The following CERS4 variants were observed in gnomAD, a reference collection of about 807,000 sequenced individuals.
The protein encoded by CERS4 is LAG1 homolog, ceramide synthase 4.
Under a neutral mutation model 51.8 loss-of-function variants are expected in CERS4, and 65 were observed. The observed-to-expected ratio is 1.26, with a 90% confidence interval of 1.03 to 1.54. CERS4 has a LOEUF of 1.54. Ranked by LOEUF, CERS4 falls within the 40% of genes most tolerant of loss-of-function variation. CERS4 has a pLI of 0.00. For missense variants in CERS4, 563 were observed against 500.4 expected, an observed-to-expected ratio of 1.13 and a Z score of -1.19; for synonymous variants, 228 against 208.4, an observed-to-expected ratio of 1.09 and a Z score of -0.81.
intron 2 of CERS4, among the ~76,000 whole-genome samples, chr19:8,236,695 AAAAAAAG>A (rs1366158860): frequency 0.56 from 67,387 of 120,030 alleles, 19,490 homozygotes; most frequent in Non-Finnish European, 0.64. Flanking sequence ...AAAAAAAAAA[AAAAAAAG>A]AAAGAAAGAA....
chr19:8,254,750 C>T (rs1352458744), intron 4 of CERS4, 134 bp downstream of exon 4: 1 of 723,894 alleles, frequency 1.4e-6, no homozygotes, highest in Non-Finnish European at 2.3e-6. Context: ...CTACTTTCCA[C>T]TCTTCATCCT....
At chr19:8,236,158 G>A (rs546930799) in intron 2 of CERS4, among the ~76,000 whole-genome samples, 2 of 152,250 alleles carry the variant, frequency 1.3e-5, no homozygotes, top group South Asian at 2.1e-4. Flanking sequence ...TCGCGCCACT[G>A]CACTCCGGCC....
chr19:8,244,989 A>G (rs1435143250), intron 2 of CERS4, among the ~76,000 whole-genome samples: 12 of 151,840 alleles, frequency 7.9e-5, no homozygotes, highest in Non-Finnish European at 1.5e-4. Flanking sequence ...CTAAAAATAC[A>G]AAAAATTAGC....
chr19:8,235,255 C>A (rs537851273), intron 2 of CERS4, among the ~76,000 whole-genome samples: 5 of 151,532 alleles, frequency 3.3e-5, no homozygotes, highest in Non-Finnish European at 5.9e-5. Context: ...GATCTGCCCC[C>A]CTCAGCCTCC....
At chr19:8,247,382 T>C (rs1968833973) in intron 2 of CERS4, among the ~76,000 whole-genome samples, 1 of 151,500 alleles carries the variant, frequency 6.6e-6, no homozygotes, top group African/African-American at 2.4e-5. Context: ...AGAAAGCCCC[T>C]CCCCCAGCCC....
chr19:8,256,090 C>G (rs1288032920), intron 6 of CERS4, 146 bp from the exon 7 acceptor site: 2 of 987,406 alleles, frequency 2.0e-6, no homozygotes, highest in East Asian at 2.6e-5. Context: ...AATGAGCCCC[C>G]CAGTCGAGAG....
intron 2 of CERS4, among the ~76,000 whole-genome samples, chr19:8,250,226 C>T (rs1419348221): frequency 6.6e-6 from 1 of 152,170 alleles, no homozygotes; most frequent in African/African-American, 2.4e-5. Context: ...CTGCCCACCT[C>T]AGCCTCCCAC....
intron 2 of CERS4, among the ~76,000 whole-genome samples, chr19:8,226,552 C>T (rs1967796205): frequency 6.6e-6 from 1 of 152,170 alleles, no homozygotes; most frequent in Admixed American, 6.6e-5. Context: ...CCAGATTTCA[C>T]AATTATCTCC....
At chr19:8,226,334 G>T (rs1043585425) in intron 2 of CERS4, among the ~76,000 whole-genome samples, 1 of 152,126 alleles carries the variant, frequency 6.6e-6, no homozygotes, top group Non-Finnish European at 1.5e-5. Flanking sequence ...TTGGTCACTG[G>T]TGCCTTAGGA....
chr19:8,254,503 A>G lies in CERS4; in HGVS notation c.178A>G (p.Ile60Val), dbSNP rs1969264709. 6.2e-7 allele frequency: 1 copy of G among 1,613,506 alleles called. No individual in the cohort carries two copies. The highest frequency in any genetic ancestry group is 1.7e-5 in the Admixed American group (1 of 59,974). Reference protein sequence around the residue: ...LAMRLAFERFIGLPLSRWLGV... With the variant: ...LAMRLAFERFVGLPLSRWLGV... The stretch of plus-strand genomic sequence containing the variant: ...CTCTGTCTCCTTTGCACCCAGATTC[A>G]TTGGCCTGCCCCTGAGCCGGTGGCT... Residue 60 changes from isoleucine to valine, a missense_variant, in exon 4 of 12, where the codon ATT becomes GTT. Coordinates refer to ENST00000251363, the MANE Select transcript of CERS4 (RefSeq NM_024552.3).
chr19:8,217,473 A>T (rs1333777939), intron 2 of CERS4, among the ~76,000 whole-genome samples: 1 of 151,164 alleles, frequency 6.6e-6, no homozygotes, highest in Non-Finnish European at 1.5e-5. Flanking sequence ...AGTTCAAGCG[A>T]TCCTCCTGCA....
At chr19:8,250,255 A>C (rs997860291) in intron 2 of CERS4, among the ~76,000 whole-genome samples, 1 of 152,160 alleles carries the variant, frequency 6.6e-6, no homozygotes, top group Non-Finnish European at 1.5e-5. Flanking sequence ...GATTACAGGC[A>C]TGAGCCATGG....
intron 10 of CERS4, 144 bp from the exon 11 acceptor site, chr19:8,261,544 A>G: frequency 1.1e-6 from 1 of 898,640 alleles, no homozygotes; most frequent in Admixed American, 2.2e-5. Context: ...CCAGCTCAAG[A>G]GTGTTAGGTA....
intron 2 of CERS4, among the ~76,000 whole-genome samples, chr19:8,232,516 T>C (rs1343863783): frequency 6.6e-6 from 1 of 151,906 alleles, no homozygotes; most frequent in East Asian, 1.9e-4. Flanking sequence ...GATCTCGAAC[T>C]CCCGACCTCA....
chr19:8,257,202 C>T (rs996630074), intron 9 of CERS4, 125 bp downstream of exon 9: 12 of 1,029,796 alleles, frequency 1.2e-5, no homozygotes, highest in South Asian at 4.7e-5. Context: ...CTGTCTTTCT[C>T]GGGTGATGAG....
At chr19:8,216,381 A>G (rs1423404559) in intron 2 of CERS4, among the ~76,000 whole-genome samples, 3 of 122,094 alleles carry the variant, frequency 2.5e-5, no homozygotes, top group Admixed American at 1.6e-4. Context: ...TTTGTCTTGG[A>G]AAAAAAAAAA....
chr19:8,212,637 A>T (rs1413333735), intron 2 of CERS4, among the ~76,000 whole-genome samples: 30 of 148,200 alleles, frequency 2.0e-4, no homozygotes, highest in Admixed American at 3.4e-4. Context: ...TTTTTTAATT[A>T]TTATTTTTTT....
At chr19:8,252,700 A>G (rs1427986623) in intron 3 of CERS4, among the ~76,000 whole-genome samples, 1 of 152,142 alleles carries the variant, frequency 6.6e-6, no homozygotes, top group African/African-American at 2.4e-5. Flanking sequence ...TGGCCTCCCA[A>G]AGTGCTGGGA....
chr19:8,243,820 G>A (rs963563062), intron 2 of CERS4, among the ~76,000 whole-genome samples: 4 of 136,322 alleles, frequency 2.9e-5, no homozygotes, highest in East Asian at 2.6e-4. Context: ...TCCTCCACAC[G>A]CCCACGGGAA....
Sources: allele counts gnomAD v4.1 joint callset (sites outside exome capture counted in the v4.1 genomes callset), GRCh38; gene constraint gnomAD v4.1.1; transcripts MANE v1.5; gene names NCBI Gene and HGNC (gene_info 2026-07-23, HGNC 2026-07-21).